CTDSPL: variants seen among roughly 807,000 people sequenced by gnomAD.
CTDSPL encodes the protein CTD small phosphatase-like protein.
In CTDSPL, 8 loss-of-function variants were observed where a neutral mutation model predicts 30.5. That is an observed-to-expected ratio of 0.26 (90% CI 0.15 to 0.47). CTDSPL has a LOEUF of 0.47. Ranked by LOEUF, CTDSPL falls within the 20% of genes least tolerant of loss-of-function variation. The pLI is 0.99. For missense variants in CTDSPL, 248 were observed against 366.1 expected (o/e 0.68, Z 2.63); for synonymous variants, 110 against 137.9 (o/e 0.80, Z 1.42).
At chr3:37,914,663 T>C (rs768532294) in intron 1 of CTDSPL, among the ~76,000 whole-genome samples, 2 of 152,190 alleles carry the variant, frequency 1.3e-5, no homozygotes, top group South Asian at 2.1e-4. Flanking sequence ...TAGTGACATA[T>C]TATCATTTTC....
chr3:37,921,486 C>T lies in CTDSPL; in HGVS notation c.80-25571C>T, dbSNP rs181479655. On this transcript the variant is annotated intron_variant, in intron 1 of 7. Transcript: ENST00000273179. Reference sequence around the variant, plus strand: ...CGTCGGAGGTGTATCTGTCTCCTCCCCCTAGTTTGAGAGTTCCCTGAGGAC... The same window carrying T: ...CGTCGGAGGTGTATCTGTCTCCTCCTCCTAGTTTGAGAGTTCCCTGAGGAC... Among the ~76,000 whole-genome samples, 104 of 152,280 alleles carry T rather than the reference C, an allele frequency of 6.8e-4. No homozygotes were observed. The Middle Eastern group carries it at 0.01, about 15-fold the overall frequency.
intron 1 of CTDSPL, among the ~76,000 whole-genome samples, chr3:37,879,681 T>A (rs1414240211): frequency 6.6e-6 from 1 of 152,214 alleles, no homozygotes; most frequent in East Asian, 1.9e-4. Flanking sequence ...CTTGACACCT[T>A]CCTGCAGTGC....
intron 1 of CTDSPL, among the ~76,000 whole-genome samples, chr3:37,893,999 TGTAAAG>T (rs1312471264): frequency 6.6e-6 from 1 of 152,212 alleles, no homozygotes; most frequent in Non-Finnish European, 1.5e-5. Context: ...TAAAAGATAA[TGTAAAG>T]GTAATGTAAA....
chr3:37,966,315 T>C (rs1699297983), intron 4 of CTDSPL, among the ~76,000 whole-genome samples: 2 of 152,244 alleles, frequency 1.3e-5, no homozygotes, highest in Non-Finnish European at 2.9e-5. Context: ...TTCAAAGTCC[T>C]TTGAGAATCT....
chr3:37,911,088 C>G (rs555209455), intron 1 of CTDSPL, among the ~76,000 whole-genome samples: 89 of 152,264 alleles, frequency 5.8e-4, no homozygotes, highest in Non-Finnish European at 1.0e-3. Context: ...AAATGCAGAC[C>G]GTAGAGTGTG....
At chr3:37,936,044 C>A (rs756507275) in intron 1 of CTDSPL, among the ~76,000 whole-genome samples, 10 of 152,146 alleles carry the variant, frequency 6.6e-5, no homozygotes, top group Non-Finnish European at 1.3e-4. Context: ...AGGCACTCAA[C>A]AAATGTGGGT....
At chr3:37,902,707 C>T (rs373215080) in intron 1 of CTDSPL, among the ~76,000 whole-genome samples, 5 of 152,144 alleles carry the variant, frequency 3.3e-5, no homozygotes, top group African/African-American at 1.2e-4. Context: ...AAGGAGGCAA[C>T]ATCTTGGGTG....
At chr3:37,972,221 G>A (rs548022882) in intron 6 of CTDSPL, among the ~76,000 whole-genome samples, 1 of 152,300 alleles carries the variant, frequency 6.6e-6, no homozygotes, top group South Asian at 2.1e-4. Flanking sequence ...GATAGGCCGG[G>A]CGCGGTTGCT....
rs557532606 is a variant in CTDSPL at position 37,967,940 on chromosome 3, C to T, written c.426+58C>T. On this transcript the variant is annotated intron_variant, in intron 5 of 7. Transcript: ENST00000273179. ...TAAGATTTTTTAGTACTTACATTTC[C>T]TATGAACTTTATTTCTAAATTCTCA... 8.8e-6 allele frequency: 10 copies of T among 1,139,794 alleles called. No homozygotes were observed. The African/African-American group carries it at 1.6e-4, about 18-fold the overall frequency. The allele number at this position is 1,139,794 out of a possible 1,614,324, so 70.6% of individuals were successfully genotyped here.
At chr3:37,918,209 A>G (rs1698672036) in intron 1 of CTDSPL, among the ~76,000 whole-genome samples, 1 of 151,980 alleles carries the variant, frequency 6.6e-6, no homozygotes, top group African/African-American at 2.4e-5. Context: ...TAACCAGCCA[A>G]CTCTGATATT....
intron 1 of CTDSPL, among the ~76,000 whole-genome samples, chr3:37,904,576 G>T (rs35190616): frequency 0.019 from 2,951 of 152,292 alleles, 44 homozygotes; most frequent in Middle Eastern, 0.034. Flanking sequence ...GGCTCCCAAA[G>T]ATCAGTATCT....
At chr3:37,950,442 C>T (rs1699093896) in intron 2 of CTDSPL, among the ~76,000 whole-genome samples, 1 of 152,140 alleles carries the variant, frequency 6.6e-6, no homozygotes, top group South Asian at 2.1e-4. Flanking sequence ...ACAAAAGTAA[C>T]ATTTGGAACT....
intron 1 of CTDSPL, among the ~76,000 whole-genome samples, chr3:37,895,597 C>T (rs1464122417): frequency 6.6e-6 from 1 of 152,196 alleles, no homozygotes; most frequent in Non-Finnish European, 1.5e-5. Context: ...GATCTTTTTC[C>T]ATTTTCCAAG....
intron 1 of CTDSPL, among the ~76,000 whole-genome samples, chr3:37,889,243 C>T (rs971772649): frequency 6.6e-6 from 1 of 152,034 alleles, no homozygotes; most frequent in African/African-American, 2.4e-5. Context: ...AGAGGGAGGA[C>T]GTTGACATAA....
intron 5 of CTDSPL, among the ~76,000 whole-genome samples, chr3:37,970,510 G>C (rs532451482): frequency 6.6e-6 from 1 of 152,042 alleles, no homozygotes; most frequent in African/African-American, 2.4e-5. Context: ...AATTTCAAAC[G>C]GAATTTATTC....
At chr3:37,976,517 A>G (rs1231616462) in intron 7 of CTDSPL, among the ~76,000 whole-genome samples, 3 of 151,914 alleles carry the variant, frequency 2.0e-5, no homozygotes, top group African/African-American at 7.3e-5. Context: ...CTGTAGTCTC[A>G]GCTACTCGGG....
chr3:37,901,732 C>T (rs1166886900), intron 1 of CTDSPL, among the ~76,000 whole-genome samples: 1 of 152,180 alleles, frequency 6.6e-6, no homozygotes, highest in Non-Finnish European at 1.5e-5. Flanking sequence ...TTGGTTAGAT[C>T]TGCAGCTCTG....
intron 4 of CTDSPL, among the ~76,000 whole-genome samples, chr3:37,966,994 C>T (rs1313695895): frequency 2.6e-5 from 4 of 152,154 alleles, no homozygotes; most frequent in Admixed American, 6.5e-5. Flanking sequence ...TCATTGAGAA[C>T]GTAATGACTG....
Position 37,982,164 on chromosome 3 carries a change from C to A in CTDSPL, c.*1297C>A. On this transcript the variant is annotated 3_prime_UTR_variant, in exon 8 of 8. Coordinates refer to ENST00000273179, the MANE Select transcript of CTDSPL (RefSeq NM_001008392.2). Reference sequence around the variant, plus strand: ...GTTCTCTCTTGAGAACCTGTGGCCTCAACCAGCCACCAAGCTGATGTGGCC... The same window carrying A: ...GTTCTCTCTTGAGAACCTGTGGCCTAAACCAGCCACCAAGCTGATGTGGCC... 1 of 313,028 alleles carries A rather than the reference C, an allele frequency of 3.2e-6. No homozygotes were observed. Among genetic ancestry groups the A allele is most frequent in the South Asian group, 2.7e-5 (1 of 37,210 alleles). 19.4% of individuals were successfully genotyped at this position (313,028 alleles called of 1,614,324 possible).
Sources: gnomAD v4.1 joint callset for allele counts (sites outside exome capture counted in the v4.1 genomes callset) on GRCh38, gnomAD v4.1.1 for gene constraint, MANE v1.5 for transcripts, NCBI Gene and HGNC (gene_info 2026-07-23, HGNC 2026-07-21) for gene names.